The following KAT6B variants were observed in gnomAD, a reference collection of about 807,000 sequenced individuals.
The protein encoded by KAT6B is histone acetyltransferase KAT6B.
In KAT6B, 10 loss-of-function variants were observed where a neutral mutation model predicts 187.5. That is an observed-to-expected ratio of 0.05 (90% confidence interval 0.03 to 0.09). The LOEUF is 0.09. Ranked by LOEUF, KAT6B falls within the 10% of genes least tolerant of loss-of-function variation. The pLI is 1.00. For synonymous variants in KAT6B, 861 were observed against 926.8 expected (o/e 0.93, Z 1.29); for missense variants, 1,952 against 2,558.9 (o/e 0.76, Z 5.12).
intron 7 of KAT6B, among the ~76,000 whole-genome samples, chr10:74,973,619 T>C (rs1016112605): frequency 1.3e-5 from 2 of 152,188 alleles, no homozygotes; most frequent in Admixed American, 6.5e-5. Context: ...CTCAGAAAAA[T>C]AGTATTCTCC....
At chr10:74,855,317 C>T (rs1286833981) in intron 3 of KAT6B, among the ~76,000 whole-genome samples, 4 of 152,176 alleles carry the variant, frequency 2.6e-5, no homozygotes, top group African/African-American at 7.2e-5. Context: ...TTAGTAGTTT[C>T]TGATGTGACC....
intron 3 of KAT6B, among the ~76,000 whole-genome samples, chr10:74,914,602 C>G (rs184602228): frequency 6.6e-6 from 1 of 152,264 alleles, no homozygotes; most frequent in East Asian, 1.9e-4. Flanking sequence ...GCAACTGGCT[C>G]AAGAAATTAG....
chr10:74,898,604 A>G (rs1361633469), intron 3 of KAT6B, among the ~76,000 whole-genome samples: 1 of 152,172 alleles, frequency 6.6e-6, no homozygotes, highest in Non-Finnish European at 1.5e-5. Context: ...TTAAGAGAAC[A>G]GGTTCAAAAG....
intron 3 of KAT6B, among the ~76,000 whole-genome samples, chr10:74,866,407 G>C (rs1461526417): frequency 6.6e-6 from 1 of 152,002 alleles, no homozygotes; most frequent in Non-Finnish European, 1.5e-5. Flanking sequence ...ATAAAGATAT[G>C]AGGCAAAAGA....
chr10:74,899,003 A>AAAAAAG (rs1450853770), intron 3 of KAT6B, among the ~76,000 whole-genome samples: 2 of 149,730 alleles, frequency 1.3e-5, no homozygotes, highest in African/African-American at 2.5e-5. Flanking sequence ...AATACAAAAA[A>AAAAAAG]AAAAAAAAAT....
At chr10:74,922,249 A>G (rs935822862) in intron 3 of KAT6B, among the ~76,000 whole-genome samples, 2 of 152,232 alleles carry the variant, frequency 1.3e-5, no homozygotes, top group Non-Finnish European at 2.9e-5. Flanking sequence ...GTCCTTAATC[A>G]GGGATTCTTA....
At chr10:74,864,973 A>C (rs1241054392) in intron 3 of KAT6B, among the ~76,000 whole-genome samples, 2 of 152,210 alleles carry the variant, frequency 1.3e-5, no homozygotes, top group African/African-American at 4.8e-5. Flanking sequence ...TCTTTTGAAA[A>C]GTTTTTAGAT....
At chr10:74,995,438 A>C (rs562886872) in intron 13 of KAT6B, among the ~76,000 whole-genome samples, 42 of 152,348 alleles carry the variant, frequency 2.8e-4, no homozygotes, top group African/African-American at 9.6e-4. Context: ...GGGTATTCTC[A>C]GTGAATGTGC....
At chr10:74,945,982 C>T (rs1839923706) in intron 3 of KAT6B, among the ~76,000 whole-genome samples, 2 of 152,156 alleles carry the variant, frequency 1.3e-5, no homozygotes, top group East Asian at 3.8e-4. Flanking sequence ...ATTTCCTCCT[C>T]CTCTATTTTC....
chr10:74,992,139 C>T (rs1843157523), intron 13 of KAT6B, among the ~76,000 whole-genome samples: 1 of 152,130 alleles, frequency 6.6e-6, no homozygotes, highest in Non-Finnish European at 1.5e-5. Flanking sequence ...GCCTTTTGGT[C>T]AGGGATGTAT....
intron 13 of KAT6B, among the ~76,000 whole-genome samples, chr10:75,003,614 A>T (rs985689029): frequency 6.6e-6 from 1 of 152,108 alleles, no homozygotes; most frequent in Non-Finnish European, 1.5e-5. Flanking sequence ...TTTTAATAGG[A>T]TTCTAGTCTG....
At chr10:74,934,527 C>T (rs1003081808) in intron 3 of KAT6B, among the ~76,000 whole-genome samples, 1 of 152,112 alleles carries the variant, frequency 6.6e-6, no homozygotes, top group Non-Finnish European at 1.5e-5. Context: ...CTTCTCATTT[C>T]CTTTTGCATC....
chr10:74,906,632 A>G (rs1170599016), intron 3 of KAT6B, among the ~76,000 whole-genome samples: 1 of 152,180 alleles, frequency 6.6e-6, no homozygotes, highest in Non-Finnish European at 1.5e-5. Context: ...ATCTACTTTG[A>G]AATCACCACT....
At chr10:75,028,374 A>C in intron 17 of KAT6B, 115 bp from the exon 18 acceptor site, 4 of 1,493,082 alleles carry the variant, frequency 2.7e-6, no homozygotes, top group East Asian at 2.3e-5. Flanking sequence ...AACTTTTAAC[A>C]TGCCAAATTG....
At chr10:74,965,054 A>T (rs1841365553) in intron 4 of KAT6B, among the ~76,000 whole-genome samples, 1 of 152,220 alleles carries the variant, frequency 6.6e-6, no homozygotes, top group Admixed American at 6.5e-5. Context: ...ACATAATTTC[A>T]TAAGTGGCTA....
At chr10:75,015,008 A>T (rs1235485250) in intron 13 of KAT6B, among the ~76,000 whole-genome samples, 1 of 152,168 alleles carries the variant, frequency 6.6e-6, no homozygotes. Context: ...GGTACATCAG[A>T]ATCACCTGGG....
chr10:74,851,123 T>C (rs1038850001), intron 3 of KAT6B, among the ~76,000 whole-genome samples: 1 of 152,118 alleles, frequency 6.6e-6, no homozygotes, highest in African/African-American at 2.4e-5. Flanking sequence ...TTTTTTTTTT[T>C]TGGATACAGA....
At chr10:74,908,517 T>G (rs1589597957) in intron 3 of KAT6B, among the ~76,000 whole-genome samples, 1 of 130,956 alleles carries the variant, frequency 7.6e-6, no homozygotes, top group Non-Finnish European at 1.6e-5. Flanking sequence ...GAAATTGCAC[T>G]CCAGCCTGGG....
chr10:74,843,004 A>G lies in KAT6B; in HGVS notation c.147A>G (p.Glu49=), dbSNP rs1041827351. Residue 49 remains glutamate (E), a synonymous_variant, in exon 3 of 18, where the codon GAA becomes GAG. Coordinates refer to ENST00000287239, the MANE Select transcript of KAT6B (RefSeq NM_012330.4). The part of the protein sequence containing the change: ...SHGLDKKTVS[E]QLELSVQDGS... ...GGTTGGATAAGAAGACAGTCTCTGA[A>G]CAGCTGGAACTCAGTGTTCAGGATG... 8.7e-6 allele frequency: 14 copies of G among 1,614,062 alleles called. No homozygotes were observed. The Admixed American group carries it at 1.8e-4, about 21-fold the overall frequency.
Sources: allele counts gnomAD v4.1 joint callset (sites outside exome capture counted in the v4.1 genomes callset), GRCh38; gene constraint gnomAD v4.1.1; transcripts MANE v1.5; gene names NCBI Gene and HGNC (gene_info 2026-07-23, HGNC 2026-07-21).